ABR: variants seen among roughly 807,000 people sequenced by gnomAD.
ABR encodes active breakpoint cluster region-related protein.
ABR carries 35 observed loss-of-function variants against 107.2 expected under a neutral mutation model. The ratio of observed to expected loss-of-function variants is 0.33; its 90% CI spans 0.25 to 0.43. The LOEUF (loss-of-function observed/expected upper bound fraction) is 0.43. Among genes scored for constraint, ABR ranks in the 20% least tolerant of loss-of-function variants. The probability of loss-of-function intolerance (pLI) is 1.00; values close to 1 mark genes in which losing one functional copy is unlikely to be tolerated. For synonymous variants in ABR, 498 were observed against 462.0 expected, an observed-to-expected ratio of 1.08 and a Z score of -1.00; for missense variants, 815 against 1,115.2, an observed-to-expected ratio of 0.73 and a Z score of 3.83.
chr17:1,167,465 G>A (rs1177094978), intron 1 of ABR, among the ~76,000 whole-genome samples: 2 of 152,220 alleles, frequency 1.3e-5, no homozygotes, highest in African/African-American at 2.4e-5. Context: ...GGGGAAGGGA[G>A]AACCACCATG....
chr17:1,137,737 T>C (rs1273403989), intron 1 of ABR, among the ~76,000 whole-genome samples: 1 of 152,056 alleles, frequency 6.6e-6, no homozygotes, highest in Non-Finnish European at 1.5e-5. Flanking sequence ...GAAGCTCAAC[T>C]AAGCATGGAG....
chr17:1,117,124 C>T (rs1338808105), intron 2 of ABR, among the ~76,000 whole-genome samples: 1 of 106,432 alleles, frequency 9.4e-6, no homozygotes, highest in African/African-American at 3.5e-5. Context: ...TTCCTCCCAG[C>T]GTTATCCCTG....
chr17:1,220,798 C>T (rs73281109), intron 1 of ABR, among the ~76,000 whole-genome samples: 12,869 of 152,176 alleles, frequency 0.085, 709 homozygotes, highest in African/African-American at 0.15. Context: ...ACTTCTCATT[C>T]GTGACTATTC....
In ABR at chr17:1,107,465, G is replaced by T. The variant is rs75718090; in HGVS notation, c.247-6730C>A. On this transcript the variant is annotated intron_variant, in intron 2 of 22. Transcript: ENST00000302538. ...TGCGGAGGCAAATGTCTAGAGTTCT[G>T]AGCATCTGAGCAGAATGAAATACGG... Among the ~76,000 whole-genome samples the T allele has an allele frequency of 3.7e-3, 564 of 152,354 alleles. 4 individuals are homozygous for T. The highest frequency in any genetic ancestry group is 0.013 in the African/African-American group (536 of 41,584).
chr17:1,061,673 T>C (rs2440754), intron 10 of ABR, among the ~76,000 whole-genome samples: 142,121 of 152,068 alleles, frequency 0.93, 66,532 homozygotes, highest in African/African-American at 0.98. Flanking sequence ...CAGCCTCCCA[T>C]GTGGCTGGGA....
chr17:1,093,901 C>CT (rs1177560097), intron 3 of ABR, among the ~76,000 whole-genome samples: 1 of 152,216 alleles, frequency 6.6e-6, no homozygotes, highest in Admixed American at 6.5e-5. Flanking sequence ...CCTCCGAGCT[C>CT]TAAAAAGCCC....
rs1046469352 is a variant in ABR at position 1,092,102 on chromosome 17, C to G, written c.346-252G>C. Among the ~76,000 whole-genome samples, 14 of 152,156 alleles carry G rather than the reference C, an allele frequency of 9.2e-5. No individual in the cohort carries two copies. The highest frequency in any genetic ancestry group is 3.4e-4 in the African/African-American group (14 of 41,442). The stretch of plus-strand genomic sequence containing the variant: ...CGAGGGGTGGTGCCTGGGCTCACTC[C>G]CCTACCACGCAGCTGAGCTCAGCAG... On this transcript the variant is annotated intron_variant, in intron 3 of 22. Coordinates refer to ENST00000302538, the MANE Select transcript of ABR (RefSeq NM_021962.5). The surrounding 1 kb of genome is among the most constrained non-coding windows in gnomAD (Gnocchi z 4.6).
At chr17:1,136,667 C>T (rs969396380) in intron 1 of ABR, among the ~76,000 whole-genome samples, 2 of 152,216 alleles carry the variant, frequency 1.3e-5, no homozygotes, top group African/African-American at 4.8e-5. Context: ...TTTCCTGACC[C>T]CTCATGAACA....
Position 1,011,942 on chromosome 17 carries a change from C to T in ABR, c.2005G>A (p.Glu669Lys). ...TCGATACCCCTCTTCTCCACCTCCTCCACACACTGCCGGACGATGTAGGGC... is the reference window on the plus strand; with the variant it reads ...TCGATACCCCTCTTCTCCACCTCCTTCACACACTGCCGGACGATGTAGGGC... ...KVPYIVRQCV[E>K]EVEKRGIEEV... is the part of the protein sequence containing the mutation. The change falls in exon 19 of 23, where the codon GAG becomes AAG. Residue 669 changes from glutamate to lysine, a missense_variant. Around this residue, in one of 5 missense-constraint regions of ABR, gnomAD observed 175 missense variants for 284.3 expected, o/e 0.62. Coordinates refer to ENST00000302538, the MANE Select transcript of ABR (RefSeq NM_021962.5). The surrounding 1 kb of genome is among the most constrained non-coding windows in gnomAD (Gnocchi z 4.8). 6.2e-7 allele frequency: 1 copy of T among 1,613,724 alleles called. No individual in the cohort carries two copies. The highest frequency in any genetic ancestry group is 8.5e-7 in the Non-Finnish European group (1 of 1,179,682).
chr17:1,190,763 C>G (rs189598954), upstream of ABR, among the ~76,000 whole-genome samples: 1 of 152,296 alleles, frequency 6.6e-6, no homozygotes, highest in Non-Finnish European at 1.5e-5. Context: ...GCTGGGATTC[C>G]GAGAAAGAAG....
chr17:1,035,855 C>T (rs2033621593), intron 16 of ABR, among the ~76,000 whole-genome samples: 1 of 150,632 alleles, frequency 6.6e-6, no homozygotes, highest in Non-Finnish European at 1.5e-5. Flanking sequence ...CCGCATTACA[C>T]CTAGGGAGGG....
chr17:1,090,314 C>A (rs1026404964), intron 4 of ABR, among the ~76,000 whole-genome samples: 1 of 152,108 alleles, frequency 6.6e-6, no homozygotes, highest in Non-Finnish European at 1.5e-5. Context: ...TTCCTCGGAG[C>A]CTGACCTTCA....
chr17:1,211,240 C>T (rs1158570203), intron 1 of ABR, among the ~76,000 whole-genome samples: 2 of 152,090 alleles, frequency 1.3e-5, no homozygotes, highest in African/African-American at 4.8e-5. Flanking sequence ...AATCTCTCCA[C>T]TTCTTTCCAG....
At chr17:1,159,726 T>C (rs1460457835) in intron 1 of ABR, among the ~76,000 whole-genome samples, 1 of 147,506 alleles carries the variant, frequency 6.8e-6, no homozygotes, top group Non-Finnish European at 1.5e-5. Flanking sequence ...ACAAGGGAAG[T>C]ATGCGGTACT....
Position 1,010,902 on chromosome 17 carries a change from GC to G in ABR, c.2102-40del. ...GCCGAGGTCAGGCAGCCTTAGCTGG[GC>G]CAGCAGCCCCGTTCCACCCCCGACC... On this transcript the variant is annotated intron_variant, in intron 19 of 22. Coordinates refer to ENST00000302538, the MANE Select transcript of ABR (RefSeq NM_021962.5). This position sits in a 1 kb window ranked among gnomAD's most constrained non-coding sequence, Gnocchi z 4.1. 2 of 1,609,880 alleles carry G rather than the reference GC, an allele frequency of 1.2e-6. No homozygotes were observed. The highest frequency in any genetic ancestry group is 1.7e-6 in the Non-Finnish European group (2 of 1,179,482).
chr17:1,125,159 AG>A, intron 2 of ABR, 23 bp downstream of exon 2: 1 of 1,540,518 alleles, frequency 6.5e-7, no homozygotes, highest in Non-Finnish European at 8.7e-7. Context: ...CCCCAAACCC[AG>A]AAAGAAAAGC....
At chr17:1,185,677 A>C (rs2042272107) in intron 1 of ABR, among the ~76,000 whole-genome samples, 1 of 150,444 alleles carries the variant, frequency 6.6e-6, no homozygotes, top group African/African-American at 2.4e-5. Context: ...AAAAAAAAAA[A>C]AAAGAAGGTA....
rs137971956 is a variant in ABR, at chr17:1,053,661, CA to C, written c.1561+2373del. On this transcript the variant is annotated intron_variant, in intron 14 of 22. Coordinates refer to ENST00000302538, the MANE Select transcript of ABR (RefSeq NM_021962.5). ...AGTGAGAACAGACATATGAGTGGGT[CA>C]GGGGTGGCGGCGGCGAAGGGAGTGA... Among the ~76,000 whole-genome samples, 1,509 of 152,220 alleles carry C rather than the reference CA, an allele frequency of 9.9e-3. 30 individuals are homozygous for C. The highest frequency in any genetic ancestry group is 0.034 in the African/African-American group (1,408 of 41,524).
At chr17:1,012,542 G>A (rs1275677772) in intron 18 of ABR, 146 bp downstream of exon 18, 1 of 716,398 alleles carries the variant, frequency 1.4e-6, no homozygotes, top group Non-Finnish European at 2.5e-6. Context: ...GGCCACTCTA[G>A]ATCCACACCG....
Sources: gnomAD v4.1 joint callset for allele counts (sites outside exome capture counted in the v4.1 genomes callset) on GRCh38, gnomAD v4.1.1 for gene constraint, gnomAD v4.1.1 regional missense constraint, Gnocchi (gnomAD v3.1) non-coding constraint, MANE v1.5 for transcripts, NCBI Gene and HGNC (gene_info 2026-07-23, HGNC 2026-07-21) for gene names.